The following RNF152 variants were observed in gnomAD, a reference collection of about 807,000 sequenced individuals.
The protein encoded by RNF152 is E3 ubiquitin-protein ligase RNF152.
A neutral mutation model predicts 12.7 loss-of-function variants in RNF152; 11 were observed. The observed-to-expected ratio is 0.86, with a 90% CI of 0.54 to 1.43. The LOEUF (loss-of-function observed/expected upper bound fraction) is 1.43. Ranked by LOEUF, RNF152 falls within the 40% of genes most tolerant of loss-of-function variation. The probability of loss-of-function intolerance (pLI) is 0.00; values close to 1 mark genes in which losing one functional copy is unlikely to be tolerated. For synonymous variants in RNF152, 113 were observed against 120.3 expected (o/e 0.94, Z 0.40); for missense variants, 255 against 274.8 (o/e 0.93, Z 0.51).
chr18:61,891,526 C>A (rs1403768851), intron 1 of RNF152, among the ~76,000 whole-genome samples: 1 of 152,184 alleles, frequency 6.6e-6, no homozygotes, highest in East Asian at 1.9e-4. Flanking sequence ...ACACAGTACA[C>A]ACCCTGTACT....
chr18:61,842,846 T>C (rs756635332), intron 1 of RNF152, among the ~76,000 whole-genome samples: 2 of 152,172 alleles, frequency 1.3e-5, no homozygotes, highest in Non-Finnish European at 1.5e-5. Context: ...ACCCATTCAC[T>C]ATCACAAGAA....
At chr18:61,866,373 G>C (rs1051235272) in intron 1 of RNF152, among the ~76,000 whole-genome samples, 2 of 152,122 alleles carry the variant, frequency 1.3e-5, no homozygotes, top group Non-Finnish European at 2.9e-5. Context: ...TTACACACCA[G>C]GAGCTGGCAG....
intron 1 of RNF152, among the ~76,000 whole-genome samples, chr18:61,871,331 AT>A (rs1265838160): frequency 6.6e-6 from 1 of 152,048 alleles, no homozygotes; most frequent in African/African-American, 2.4e-5. Flanking sequence ...TTAGACTACT[AT>A]TCTGAGAATT....
At chr18:61,844,098 G>GAAATAAAGAAAGAAAGAAAGAA in intron 1 of RNF152, among the ~76,000 whole-genome samples, 1 of 123,746 alleles carries the variant, frequency 8.1e-6, no homozygotes, top group Non-Finnish European at 1.8e-5. Context: ...AAGAAAGAAA[G>GAAATAAAGAAAGAAAGAAAGAA]AAAGAAAGAA....
rs186653845 is a variant in RNF152, at chr18:61,866,136, G to A, written c.-136+26659C>T. On this transcript the variant is annotated intron_variant, in intron 1 of 1. Coordinates refer to ENST00000312828, the MANE Select transcript of RNF152 (RefSeq NM_173557.3). ...AATTTGGAGGGCTGAGTGGCACAGG[G>A]CCCCACCCCCTGTGGTAACCCCTGC... Among the ~76,000 whole-genome samples, 3 of 152,222 alleles carry A rather than the reference G, an allele frequency of 2.0e-5. No homozygotes were observed. In the East Asian group the frequency reaches 5.8e-4, roughly 30 times the overall value.
intron 1 of RNF152, among the ~76,000 whole-genome samples, chr18:61,880,259 G>T (rs1013959571): frequency 5.9e-5 from 9 of 152,160 alleles, no homozygotes; most frequent in Admixed American, 3.9e-4. Context: ...CAACAGATGG[G>T]TGGCCAAAAT....
rs1162573660 is a variant in RNF152, at chr18:61,815,102, T to C, written c.*750A>G. 1 of 152,624 alleles carries C rather than the reference T, an allele frequency of 6.6e-6. No individual in the cohort carries two copies. The highest frequency in any genetic ancestry group is 1.5e-5 in the Non-Finnish European group (1 of 68,038). The allele number at this position is 152,624 out of a possible 1,614,324, so 9.5% of individuals were successfully genotyped here. A position where few individuals can be genotyped will look rare whatever the true frequency, so the allele number is the denominator to read the frequency against. On this transcript the variant is annotated 3_prime_UTR_variant, in exon 2 of 2. Transcript: ENST00000312828. The stretch of plus-strand genomic sequence containing the variant: ...GAAATTCTTATTTTGTGAGATGGCT[T>C]GAGGAAAATCGGCATACAGGTTTTC...
intron 1 of RNF152, among the ~76,000 whole-genome samples, chr18:61,844,994 C>T (rs73963595): frequency 0.012 from 1,899 of 152,248 alleles, 37 homozygotes; most frequent in African/African-American, 0.043. Context: ...CATAAGTGGA[C>T]ACGAGTGCTG....
Position 61,816,067 on chromosome 18 carries a change from C to A in RNF152, c.397G>T (p.Val133Leu), listed in dbSNP as rs374092992. 4 of 1,614,240 alleles carry A rather than the reference C, an allele frequency of 2.5e-6. No individual in the cohort carries two copies. Among genetic ancestry groups the A allele is most frequent in the Non-Finnish European group, 8.5e-7 (1 of 1,180,052 alleles). ...PGSQQKSVTV[V>L]TIPAEQQPLQ... ...GGCTGCTGTTCAGCAGGGATGGTCA[C>A]CACGGTGACGGACTTCTGCTGGCTC... Residue 133 changes from valine (V) to leucine (L), a missense_variant, in exon 2 of 2, where the codon GTG becomes TTG. Coordinates refer to ENST00000312828, the MANE Select transcript of RNF152 (RefSeq NM_173557.3).
At chr18:61,871,916 T>A (rs1477339386) in intron 1 of RNF152, among the ~76,000 whole-genome samples, 1 of 152,158 alleles carries the variant, frequency 6.6e-6, no homozygotes, top group Non-Finnish European at 1.5e-5. Flanking sequence ...CAAGAAAGGA[T>A]CCTATATTAA....
intron 1 of RNF152, among the ~76,000 whole-genome samples, chr18:61,850,764 C>T (rs75074470): frequency 0.015 from 2,349 of 152,264 alleles, 50 homozygotes; most frequent in African/African-American, 0.054. Flanking sequence ...TTATCCAAAC[C>T]GCTTGTTTGA....
chr18:61,827,407 G>GT (rs2144639787), intron 1 of RNF152, among the ~76,000 whole-genome samples: 1 of 152,262 alleles, frequency 6.6e-6, no homozygotes, highest in South Asian at 2.1e-4. Context: ...GGAAGGAGGT[G>GT]TAAGGAGGGA....
chr18:61,887,213 C>A (rs1325963171), intron 1 of RNF152, among the ~76,000 whole-genome samples: 2 of 152,284 alleles, frequency 1.3e-5, no homozygotes, highest in Admixed American at 1.3e-4. Flanking sequence ...CCCACAAGGG[C>A]AACTAAAAGT....
intron 1 of RNF152, among the ~76,000 whole-genome samples, chr18:61,836,621 A>G (rs1910199181): frequency 6.6e-6 from 1 of 152,190 alleles, no homozygotes; most frequent in South Asian, 2.1e-4. Flanking sequence ...CAGCTTGCAG[A>G]ACTATGAGAA....
chr18:61,885,765 G>C (rs182642341), intron 1 of RNF152, among the ~76,000 whole-genome samples: 1 of 152,186 alleles, frequency 6.6e-6, no homozygotes, highest in East Asian at 1.9e-4. Flanking sequence ...ATCAAAAAAA[G>C]GGAGGTAAAA....
chr18:61,854,178 C>A (rs77764389), intron 1 of RNF152, among the ~76,000 whole-genome samples: 7,380 of 152,216 alleles, frequency 0.048, 602 homozygotes, highest in African/African-American at 0.17. Flanking sequence ...AAGTGTTTTT[C>A]CTTTCACTCA....
chr18:61,836,030 C>T (rs1274810681), intron 1 of RNF152, among the ~76,000 whole-genome samples: 1 of 152,138 alleles, frequency 6.6e-6, no homozygotes, highest in Admixed American at 6.5e-5. Flanking sequence ...TAAAATAATA[C>T]ATAAATTTCT....
chr18:61,827,534 C>G (rs1304006853), intron 1 of RNF152, among the ~76,000 whole-genome samples: 5 of 152,128 alleles, frequency 3.3e-5, no homozygotes, highest in Non-Finnish European at 1.5e-5. Context: ...TCAAATTACC[C>G]AGAGAACATT....
chr18:61,866,783 C>A (rs1911752813), intron 1 of RNF152, among the ~76,000 whole-genome samples: 1 of 152,220 alleles, frequency 6.6e-6, no homozygotes, highest in Non-Finnish European at 1.5e-5. Context: ...CTCTGGCTTT[C>A]CCCTACTTGC....
Sources: gnomAD v4.1 joint callset for allele counts (sites outside exome capture counted in the v4.1 genomes callset) on GRCh38, gnomAD v4.1.1 for gene constraint, MANE v1.5 for transcripts, NCBI Gene and HGNC (gene_info 2026-07-23, HGNC 2026-07-21) for gene names.